Variants in PLEKHA8 observed in about 807,000 individuals in gnomAD.
The protein encoded by PLEKHA8 is pleckstrin homology domain-containing family A member 8.
In PLEKHA8, 36 loss-of-function variants were observed where a neutral mutation model predicts 68.2. The ratio of observed to expected loss-of-function variants is 0.53; its 90% confidence interval spans 0.40 to 0.70. The LOEUF (loss-of-function observed/expected upper bound fraction) is 0.70. Among genes scored for constraint, PLEKHA8 ranks in the 30% least tolerant of loss-of-function variants. PLEKHA8 has a pLI of 0.00. For synonymous variants in PLEKHA8, 211 were observed against 216.1 expected, an observed-to-expected ratio of 0.98 and a Z score of 0.20; for missense variants, 505 against 615.4, an observed-to-expected ratio of 0.82 and a Z score of 1.90.
chr7:30,034,883 T>TAA (rs1485223413), intron 1 of PLEKHA8, among the ~76,000 whole-genome samples: 7 of 152,220 alleles, frequency 4.6e-5, no homozygotes, highest in Non-Finnish European at 1.0e-4. Context: ...AATTTTTTCT[T>TAA]TTCTTGTTTG....
At chr7:30,116,486 T>C (rs1021864923) in intron 13 of PLEKHA8, among the ~76,000 whole-genome samples, 2 of 152,142 alleles carry the variant, frequency 1.3e-5, no homozygotes, top group Non-Finnish European at 2.9e-5. Context: ...AGCTTAAGGA[T>C]AAATGAGGGG....
intron 12 of PLEKHA8, among the ~76,000 whole-genome samples, chr7:30,064,870 CTTTG>C (rs1377520012): frequency 6.6e-6 from 1 of 152,142 alleles, no homozygotes; most frequent in Non-Finnish European, 1.5e-5. Flanking sequence ...GCTGCTATTA[CTTTG>C]TTAGGGCTGT....
At position 30,062,023 on chromosome 7, in the gene PLEKHA8, A is replaced by T. The variant is rs752777150; in HGVS notation, c.1225A>T (p.Lys409Ter). The T allele has an allele frequency of 6.2e-7, 1 of 1,612,416 alleles. No individual in the cohort carries two copies. Among genetic ancestry groups the T allele is most frequent in the Non-Finnish European group, 8.5e-7 (1 of 1,179,504 alleles). The stretch of plus-strand genomic sequence containing the variant: ...AGCGACTGAAGCCCTCTTGTGGCTG[A>T]AGAGGTGAGGCAGCTGGGGTGGGAC... ...NSATEALLWL[K>*]RGLKFLKGFL... The change falls in exon 11 of 14, where the codon AAG (lysine) becomes TAG (stop). Residue 409 changes from lysine to a stop codon, truncating the protein, a stop_gained. Coordinates refer to ENST00000449726, the MANE Select transcript of PLEKHA8 (RefSeq NM_001197026.2). LOFTEE classifies it high-confidence loss of function.
intron 13 of PLEKHA8, among the ~76,000 whole-genome samples, chr7:30,096,471 C>T (rs1314691241): frequency 6.6e-6 from 1 of 152,178 alleles, no homozygotes; most frequent in Non-Finnish European, 1.5e-5. Flanking sequence ...CATCTGCAAA[C>T]AGGGACAATT....
Position 30,080,953 on chromosome 7 carries a change from A to T in PLEKHA8, c.*2166A>T, listed in dbSNP as rs1246965040. The T allele has an allele frequency of 8.1e-6, 8 of 985,398 alleles. No homozygotes were observed. Among genetic ancestry groups the T allele is most frequent in the Non-Finnish European group, 7.2e-6 (6 of 829,914 alleles). 61.0% of individuals were successfully genotyped at this position (985,398 alleles called of 1,614,324 possible). On this transcript the variant is annotated 3_prime_UTR_variant, in exon 14 of 14. Transcript: ENST00000449726. ...TAGAATTGTGCAGTGTGATCATTCT[A>T]AACAGCTGCTGGTGCTCCCTGTCAC...
chr7:30,061,922 A>G lies in PLEKHA8; in HGVS notation c.1124A>G (p.Asn375Ser), dbSNP rs189222801. 6.2e-7 allele frequency: 1 copy of G among 1,614,120 alleles called. No homozygotes were observed. Among genetic ancestry groups the G allele is most frequent in the Non-Finnish European group, 8.5e-7 (1 of 1,179,988 alleles). ...AAAGTAAATCAGAAGTATATAACCAACAAAGAAGAGTTTACCACTCTCCAG... is the reference window on the plus strand; with the variant it reads ...AAAGTAAATCAGAAGTATATAACCAGCAAAGAAGAGTTTACCACTCTCCAG... Reference protein sequence around the residue: ...IKKVNQKYITNKEEFTTLQKI... With the variant: ...IKKVNQKYITSKEEFTTLQKI... The change falls in exon 11 of 14, where the codon AAC becomes AGC. Residue 375 changes from asparagine to serine, a missense_variant. Physicochemically the swap from Asn to Ser is conservative, Grantham distance 46 (BLOSUM62 1). Transcript: ENST00000449726.
At chr7:30,041,401 T>C (rs575560358) in intron 1 of PLEKHA8, among the ~76,000 whole-genome samples, 1 of 150,318 alleles carries the variant, frequency 6.7e-6, no homozygotes, top group Non-Finnish European at 1.5e-5. Context: ...TCAGTTGCTA[T>C]TATAATTTAC....
chr7:30,116,482 A>C, intron 13 of PLEKHA8, among the ~76,000 whole-genome samples: 1 of 152,192 alleles, frequency 6.6e-6, no homozygotes, highest in Non-Finnish European at 1.5e-5. Context: ...TAGAAGCTTA[A>C]GGATAAATGA....
chr7:30,052,508 C>G (rs1424550398), intron 6 of PLEKHA8, among the ~76,000 whole-genome samples: 1 of 151,998 alleles, frequency 6.6e-6, no homozygotes, highest in African/African-American at 2.4e-5. Flanking sequence ...TGGTGGCAGG[C>G]ACCTGTAGTC....
downstream of PLEKHA8, among the ~76,000 whole-genome samples, chr7:30,085,283 G>A (rs1199296255): frequency 6.6e-6 from 1 of 152,140 alleles, no homozygotes; most frequent in Non-Finnish European, 1.5e-5. Flanking sequence ...CTAAACAGAA[G>A]ACCATTTTGA....
downstream of PLEKHA8, among the ~76,000 whole-genome samples, chr7:30,087,344 A>T (rs1795223610): frequency 6.6e-6 from 1 of 152,118 alleles, no homozygotes; most frequent in Admixed American, 6.6e-5. Flanking sequence ...CCCTGCGGAT[A>T]ACCCTTCAAT....
chr7:30,049,614 C>G (rs948860136), intron 5 of PLEKHA8, among the ~76,000 whole-genome samples: 5 of 152,218 alleles, frequency 3.3e-5, no homozygotes, highest in African/African-American at 1.2e-4. Flanking sequence ...AACCCCTTGT[C>G]AGTGAGTCTT....
chr7:30,074,246 T>TTG (rs149548208), intron 13 of PLEKHA8, 114 bp downstream of exon 13: 200,358 of 486,514 alleles, frequency 0.41, 27,910 homozygotes, highest in East Asian at 0.56. Flanking sequence ...AGAAACAAAG[T>TTG]TGTGTGTGTG....
At position 30,118,068 on chromosome 7, in the gene PLEKHA8, G is replaced by T. The variant is rs532230632; in HGVS notation, c.1363-11198G>T. The T allele has an allele frequency of 3.4e-6, 5 of 1,476,718 alleles. No individual in the cohort carries two copies. The African/African-American group carries it at 7.2e-5, about 21-fold the overall frequency. 91.5% of individuals were successfully genotyped at this position (1,476,718 alleles called of 1,614,324 possible). ...GACATGATGACCCAGCATGAGACAG[G>T]ATGCATCACATCTGGGTGACGCCTC... On this transcript the variant is annotated intron_variant, in intron 13 of 13. Transcript: ENST00000396257.
intron 9 of PLEKHA8, among the ~76,000 whole-genome samples, chr7:30,056,545 A>G (rs1166323544): frequency 6.7e-6 from 1 of 148,420 alleles, no homozygotes; most frequent in Non-Finnish European, 1.5e-5. Context: ...CCTGGCCAAC[A>G]TGGTAAAACC....
At chr7:30,069,517 C>G (rs1330799453) in intron 12 of PLEKHA8, 1 of 152,228 alleles carries the variant, frequency 6.6e-6, no homozygotes, top group Admixed American at 6.5e-5. Context: ...GTTGTTCTCT[C>G]AGTTACTATA....
intron 1 of PLEKHA8, among the ~76,000 whole-genome samples, chr7:30,034,265 T>C (rs1440946245): frequency 6.6e-6 from 1 of 152,038 alleles, no homozygotes; most frequent in Admixed American, 6.6e-5. Flanking sequence ...TGCCTCGGCC[T>C]CCCAAAGTGC....
At chr7:30,089,341 C>A (rs1795313546), downstream of PLEKHA8, among the ~76,000 whole-genome samples, 1 of 151,950 alleles carries the variant, frequency 6.6e-6, no homozygotes, top group African/African-American at 2.4e-5. Flanking sequence ...AGCCCGCCCC[C>A]CCACTCCAGA....
rs115815247 is a variant in PLEKHA8, at chr7:30,062,464, G to T, written c.1230-208G>T. 8.8e-3 allele frequency among the ~76,000 whole-genome samples: 1,346 copies of T among 152,130 alleles called. 21 individuals carry two copies. Among genetic ancestry groups the T allele is most frequent in the African/African-American group, 0.031 (1,298 of 41,506 alleles). ...CACATTTTGAAAACCACTTCTTTAG[G>T]TATATCAGATGAGATGAAAGATGGG... is the stretch of plus-strand genomic sequence containing the variant. On this transcript the variant is annotated intron_variant, in intron 11 of 13. Transcript: ENST00000449726.
Sources: allele counts gnomAD v4.1 joint callset (sites outside exome capture counted in the v4.1 genomes callset), GRCh38; gene constraint gnomAD v4.1.1; transcripts MANE v1.5; gene names NCBI Gene and HGNC (gene_info 2026-07-23, HGNC 2026-07-21).